Variants in ZNF81 observed in about 807,000 individuals in gnomAD.
ZNF81 encodes the protein zinc finger protein 81 (HFZ20).
A neutral mutation model predicts 32.3 loss-of-function variants in ZNF81; 5 were observed. That is an observed-to-expected ratio of 0.15 (90% CI 0.08 to 0.33). ZNF81 has a LOEUF of 0.33. Ranked by LOEUF, ZNF81 falls within the 10% of genes least tolerant of loss-of-function variation. The pLI, the probability that ZNF81 is intolerant of heterozygous loss-of-function variation, is 1.00. For missense variants in ZNF81, 379 were observed against 479.8 expected, an observed-to-expected ratio of 0.79 and a Z score of 1.96; for synonymous variants, 163 against 166.8, an observed-to-expected ratio of 0.98 and a Z score of 0.17.
At chrX:47,909,592 C>CT (rs1308422634) in intron 4 of ZNF81, among the ~76,000 whole-genome samples, 2 of 106,333 alleles carry the variant, frequency 1.9e-5, no homozygotes, top group Non-Finnish European at 3.9e-5. Context: ...TTTATTGAGG[C>CT]TTTTTTTTCT....
At chrX:47,862,459 G>A (rs2058544584) in intron 2 of ZNF81, among the ~76,000 whole-genome samples, 1 of 108,194 alleles carries the variant, frequency 9.2e-6, no homozygotes, top group African/African-American at 3.4e-5. Context: ...GGAGGCAGAG[G>A]TTGCAGTGAG....
chrX:47,856,148 T>G lies in ZNF81; in HGVS notation c.54+9827T>G, dbSNP rs60947197. Among the ~76,000 whole-genome samples, 895 of 110,224 alleles carry G rather than the reference T, an allele frequency of 8.1e-3. 10 individuals carry two copies. The highest frequency in any genetic ancestry group is 0.029 in the African/African-American group (866 of 30,175). On this transcript the variant is annotated intron_variant, in intron 2 of 4. Transcript: ENST00000338637. ...AATGTGTTAACATTTTCTTCAAAAA[T>G]GTTTTGACATCAGTTTTTGTTTCTA...
chrX:47,916,184 T>C lies in ZNF81; in HGVS notation c.1538T>C (p.Leu513Pro). ...CGKAFTNRSNLNTHQKSHTGE... is the reference protein window; with the variant it reads ...CGKAFTNRSNPNTHQKSHTGE... ...AAGGCTTTCACCAACAGGTCAAATC[T>C]CAATACTCACCAGAAGTCTCATACT... The change falls in exon 5 of 5, where the codon CTC becomes CCC. Residue 513 changes from leucine (L) to proline (P), a missense_variant. This residue lies in a region of ZNF81 where 102 missense variants were observed against 173.2 expected (regional missense o/e 0.59). Transcript: ENST00000338637. 8.3e-7 allele frequency: 1 copy of C among 1,211,624 alleles called. No individual in the cohort carries two copies. The highest frequency in any genetic ancestry group is 1.1e-6 in the Non-Finnish European group (1 of 895,474).
chrX:47,924,812 A>G lies in ZNF81; in HGVS notation c.*8180A>G, dbSNP rs1273852981. On this transcript the variant is annotated 3_prime_UTR_variant, in exon 5 of 5. Transcript: ENST00000338637. Reference sequence around the variant, plus strand: ...CATTCCAGGTTAATAAAGATTATATATATATATACCCAAAGAAGAGGATGG... The same window carrying G: ...CATTCCAGGTTAATAAAGATTATATGTATATATACCCAAAGAAGAGGATGG... 3.6e-5 allele frequency among the ~76,000 whole-genome samples: 4 copies of G among 111,655 alleles called. No homozygotes were observed. The highest frequency in any genetic ancestry group is 1.3e-4 in the African/African-American group (4 of 30,746).
chrX:47,838,089 G>A, intron 1 of ZNF81, among the ~76,000 whole-genome samples: 2 of 111,803 alleles, frequency 1.8e-5, no homozygotes, highest in Middle Eastern at 9.2e-3. Flanking sequence ...AATTGTTTTG[G>A]AGTGGTCATA....
Position 47,915,773 on chromosome X carries a change from A to G in ZNF81, c.1127A>G (p.His376Arg). Residue 376 changes from histidine to arginine, a missense_variant, in exon 5 of 5, where the codon CAT becomes CGT. Coordinates refer to ENST00000338637, the MANE Select transcript of ZNF81 (RefSeq NM_007137.5). The stretch of plus-strand genomic sequence containing the variant: ...TTCCAGGTGTCATCTCTACTCAGGC[A>G]TCAGACAACTCATACTGGAGAAAAA... ...SFFQVSSLLRHQTTHTGEKLF... is the reference protein window; with the variant it reads ...SFFQVSSLLRRQTTHTGEKLF... The G allele has an allele frequency of 8.3e-7, 1 of 1,211,979 alleles. No homozygotes were observed. The highest frequency in any genetic ancestry group is 1.8e-5 in the South Asian group (1 of 57,018).
At position 47,919,344 on chromosome X, in the gene ZNF81, TCTA is replaced by T. The variant is rs782539671; in HGVS notation, c.*2715_*2717del. 1.9e-5 allele frequency: 5 copies of T among 258,575 alleles called. No homozygotes were observed. The East Asian group carries it at 4.5e-4, about 23-fold the overall frequency. The allele number at this position is 258,575 out of a possible 1,213,427, so 21.3% of individuals were successfully genotyped here. A position where few individuals can be genotyped will look rare whatever the true frequency, so the allele number is the denominator to read the frequency against. ...TTTCTCTCACCCTGGCTTTGTCAAGTCTACTGCTGAACCCATTGAAGGCATTCT... is the reference window on the plus strand; with the variant it reads ...TTTCTCTCACCCTGGCTTTGTCAAGTCTGCTGAACCCATTGAAGGCATTCT... On this transcript the variant is annotated 3_prime_UTR_variant, in exon 5 of 5. Coordinates refer to ENST00000338637, the MANE Select transcript of ZNF81 (RefSeq NM_007137.5).
chrX:47,871,274 C>A (rs1225528050), intron 2 of ZNF81, among the ~76,000 whole-genome samples: 1 of 111,851 alleles, frequency 8.9e-6, no homozygotes, highest in Non-Finnish European at 1.9e-5. Flanking sequence ...CAAATTTCCC[C>A]TATTATATGA....
At chrX:47,851,102 T>C (rs1556881190) in intron 2 of ZNF81, among the ~76,000 whole-genome samples, 2 of 112,183 alleles carry the variant, frequency 1.8e-5, no homozygotes. Flanking sequence ...TATATGAATA[T>C]ATCAAAATAT....
At chrX:47,858,082 A>C in intron 2 of ZNF81, among the ~76,000 whole-genome samples, 1 of 111,792 alleles carries the variant, frequency 8.9e-6, no homozygotes. Flanking sequence ...CTCACTCATG[A>C]ATAGTGATGG....
Position 47,919,034 on chromosome X carries a change from G to C in ZNF81, c.*2402G>C. On this transcript the variant is annotated 3_prime_UTR_variant, in exon 5 of 5. Transcript: ENST00000338637. ...AAGAAACTGAAAAACTGTACCCAAG[G>C]AACCTCAGCCACACCTGAACCTGAT... 1 of 276,406 alleles carries C rather than the reference G, an allele frequency of 3.6e-6. No individual in the cohort carries two copies. Among genetic ancestry groups the C allele is most frequent in the Non-Finnish European group, 6.9e-6 (1 of 144,948 alleles). The allele number at this position is 276,406 out of a possible 1,213,427, so 22.8% of individuals were successfully genotyped here.
At chrX:47,888,194 A>G (rs782509458) in intron 3 of ZNF81, 69 bp downstream of exon 3, 26 of 1,151,980 alleles carry the variant, frequency 2.3e-5, no homozygotes, top group African/African-American at 3.6e-5. Flanking sequence ...CAAATAAAAT[A>G]TGTTGAAGTC....
intron 4 of ZNF81, among the ~76,000 whole-genome samples, chrX:47,907,639 G>C (rs1484780321): frequency 3.6e-5 from 4 of 111,753 alleles, no homozygotes; most frequent in Non-Finnish European, 7.5e-5. Flanking sequence ...TAACACAATT[G>C]ATAAATTTAG....
At chrX:47,901,475 G>A (rs2148036163) in intron 4 of ZNF81, among the ~76,000 whole-genome samples, 1 of 111,567 alleles carries the variant, frequency 9.0e-6, no homozygotes, top group African/African-American at 3.3e-5. Context: ...TTAATTTGTG[G>A]CAATTTCTTT....
Position 47,915,543 on chromosome X carries a change from A to C in ZNF81, c.897A>C (p.Glu299Asp). 1 of 1,211,878 alleles carries C rather than the reference A, an allele frequency of 8.3e-7. No individual in the cohort carries two copies. The highest frequency in any genetic ancestry group is 3.0e-5 in the East Asian group (1 of 33,826). Residue 299 changes from glutamate to aspartate, a missense_variant, in exon 5 of 5, where the codon GAA (glutamate) becomes GAC (aspartate). This residue lies in a region of ZNF81 where 277 missense variants were observed against 306.6 expected (regional missense o/e 0.90). Coordinates refer to ENST00000338637, the MANE Select transcript of ZNF81 (RefSeq NM_007137.5). ...CTCCTCAAAAAATTCATACTGTGGA[A>C]AAACCTCATGAGCTTAGCAAATGTG... is the stretch of plus-strand genomic sequence containing the variant. The part of the protein sequence containing the change: ...FFAPQKIHTV[E>D]KPHELSKCVN...
At chrX:47,844,440 G>A (rs1556880184) in intron 1 of ZNF81, among the ~76,000 whole-genome samples, 1 of 111,878 alleles carries the variant, frequency 8.9e-6, no homozygotes, top group Non-Finnish European at 1.9e-5. Flanking sequence ...TTTTGTGACC[G>A]GCTTCTTTCA....
chrX:47,864,333 T>G (rs1480139503), intron 2 of ZNF81, among the ~76,000 whole-genome samples: 1 of 111,921 alleles, frequency 8.9e-6, no homozygotes, highest in African/African-American at 3.3e-5. Flanking sequence ...ATTTTCAGGC[T>G]GCGAATAGTC....
At chrX:47,875,732 A>G (rs1479991607) in intron 2 of ZNF81, among the ~76,000 whole-genome samples, 1 of 112,405 alleles carries the variant, frequency 8.9e-6, no homozygotes, top group African/African-American at 3.2e-5. Context: ...GGAAATCCTG[A>G]CTACAAATGT....
intron 2 of ZNF81, among the ~76,000 whole-genome samples, chrX:47,859,839 G>A (rs1263648110): frequency 3.6e-5 from 4 of 111,530 alleles, no homozygotes; most frequent in African/African-American, 9.8e-5. Context: ...GTGATGCACA[G>A]TGGGTCGCTT....
Sources: gnomAD v4.1 joint callset for allele counts (sites outside exome capture counted in the v4.1 genomes callset) on GRCh38, gnomAD v4.1.1 for gene constraint, gnomAD v4.1.1 regional missense constraint, MANE v1.5 for transcripts, NCBI Gene and HGNC (gene_info 2026-07-23, HGNC 2026-07-21) for gene names.